MADD: variants seen among roughly 807,000 people sequenced by gnomAD.
MADD encodes MAP kinase-activating death domain protein.
A neutral mutation model predicts 176.7 loss-of-function variants in MADD; 109 were observed. The ratio of observed to expected loss-of-function variants is 0.62; its 90% CI spans 0.53 to 0.72. The LOEUF is 0.72. Ranked by LOEUF, MADD falls within the 30% of genes least tolerant of loss-of-function variation. MADD has a pLI of 0.00. For synonymous variants in MADD, 771 were observed against 771.3 expected (o/e 1.00, Z 0.01); for missense variants, 1,914 against 2,045.5 (o/e 0.94, Z 1.24).
intron 23 of MADD, 22 bp from the exon 27 acceptor site, chr11:47,309,259 A>C: frequency 6.2e-7 from 1 of 1,605,746 alleles, no homozygotes; most frequent in Non-Finnish European, 8.5e-7. Context: ...TAGGCCCCCT[A>C]AGAAACCTTT....
chr11:47,276,038 G>A, exon 4 of MADD: 1 of 1,614,204 alleles, frequency 6.2e-7, no homozygotes, highest in Non-Finnish European at 8.5e-7. Flanking sequence ...GCAGAAGCGA[G>A]TAGACATCGA....
intron 27 of MADD, among the ~76,000 whole-genome samples, chr11:47,322,400 G>T (rs1392752001): frequency 6.6e-6 from 1 of 152,112 alleles, no homozygotes; most frequent in Non-Finnish European, 1.5e-5. Flanking sequence ...GAAGTCAGGA[G>T]ATCAAGACTA....
chr11:47,275,912 C>G, exon 4 of MADD: 2 of 1,607,716 alleles, frequency 1.2e-6, no homozygotes, highest in Non-Finnish European at 1.7e-6. Context: ...CACCATGTGG[C>G]GGATCTTTAC....
intron 31 of MADD, chr11:47,327,678 C>T (rs960062308): frequency 8.1e-6 from 8 of 985,422 alleles, no homozygotes; most frequent in Non-Finnish European, 8.4e-6. Context: ...TCTTCCAACT[C>T]GGGAGAATGG....
chr11:47,315,534 G>C (rs908664960), intron 27 of MADD, among the ~76,000 whole-genome samples: 1 of 152,104 alleles, frequency 6.6e-6, no homozygotes, highest in Non-Finnish European at 1.5e-5. Context: ...GAGTGTAGTG[G>C]CTTGATCTCG....
rs11039171 is a variant in MADD, at chr11:47,307,794, G to A, written c.3643-797G>A. Among the ~76,000 whole-genome samples the A allele has an allele frequency of 8.4e-3, 1,273 of 152,098 alleles. 142 individuals carry two copies. In the East Asian group the frequency reaches 0.2, roughly 24 times the overall value. ...AGCGATTCTCCTGCCTTAGCCTCCCGAGTAGCTGGGACTATAGGTGCATGC... is the reference window on the plus strand; with the variant it reads ...AGCGATTCTCCTGCCTTAGCCTCCCAAGTAGCTGGGACTATAGGTGCATGC... On this transcript the variant is annotated intron_variant, in intron 22 of 32. Transcript: ENST00000402192.
At chr11:47,303,994 G>T (rs1048568032) in intron 22 of MADD, among the ~76,000 whole-genome samples, 1 of 152,126 alleles carries the variant, frequency 6.6e-6, no homozygotes, top group African/African-American at 2.4e-5. Context: ...GACTTGGGAA[G>T]TTTTCAGCTA....
chr11:47,323,591 C>T lies in MADD; in HGVS notation c.4198-80C>T. 2.0e-6 allele frequency: 3 copies of T among 1,489,712 alleles called. 1 individual carries two copies. The South Asian group carries it at 3.6e-5, about 18-fold the overall frequency. 92.3% of individuals were successfully genotyped at this position (1,489,712 alleles called of 1,614,324 possible). A position where few individuals can be genotyped will look rare whatever the true frequency, so the allele number is the denominator to read the frequency against. ...ACCTGACCATGGGGATGCCCCAGGA[C>T]CACCTTTCCCTGTAGGAAACAGTCT... On this transcript the variant is annotated intron_variant, in intron 27 of 32. Coordinates refer to ENST00000402192, the Ensembl canonical transcript of MADD.
At chr11:47,296,626 G>C (rs1215851560) in intron 22 of MADD, among the ~76,000 whole-genome samples, 1 of 152,130 alleles carries the variant, frequency 6.6e-6, no homozygotes, top group East Asian at 1.9e-4. Flanking sequence ...CTATATTGCT[G>C]TGAGTAGTCT....
At position 47,294,694 on chromosome 11, in the gene MADD, T is replaced by G. The variant is rs191219868; in HGVS notation, c.3402+711T>G. 9.9e-5 allele frequency among the ~76,000 whole-genome samples: 11 copies of G among 110,934 alleles called. No individual in the cohort carries two copies. The East Asian group carries it at 2.8e-3, about 28-fold the overall frequency. 72.8% of individuals were successfully genotyped at this position (110,934 alleles called of 152,430 possible). On this transcript the variant is annotated intron_variant, in intron 20 of 32. Coordinates refer to ENST00000402192, the Ensembl canonical transcript of MADD. ...CAAAAAAAAAAAAAAAAAAAAAAAA[T>G]GAACAACCTCAAAACAATATAAATA...
At chr11:47,282,641 G>C (rs982369264) in intron 9 of MADD, 25 bp downstream of exon 9, 5 of 1,609,786 alleles carry the variant, frequency 3.1e-6, no homozygotes, top group Non-Finnish European at 4.2e-6. Flanking sequence ...CCTCTGCTCC[G>C]CTCTGCCTTG....
intron 25 of MADD, among the ~76,000 whole-genome samples, chr11:47,310,889 A>G (rs1046350150): frequency 2.2e-5 from 3 of 137,156 alleles, no homozygotes; most frequent in Non-Finnish European, 4.7e-5. Flanking sequence ...CCTGGGCAAC[A>G]AGAGCGAAAA....
At chr11:47,290,925 T>G in intron 19 of MADD, 109 bp downstream of exon 20, 1 of 895,982 alleles carries the variant, frequency 1.1e-6, no homozygotes, top group African/African-American at 1.7e-5. Flanking sequence ...CTTTGCTTCT[T>G]AGAGAGGGAA....
chr11:47,315,921 T>A (rs2141324212), intron 27 of MADD, among the ~76,000 whole-genome samples: 1 of 149,104 alleles, frequency 6.7e-6, no homozygotes, highest in South Asian at 2.2e-4. Context: ...AGCCTCCACC[T>A]CCCAGGTTCA....
intron 31 of MADD, chr11:47,327,923 G>C (rs2142545287): frequency 1.0e-6 from 1 of 985,350 alleles, no homozygotes; most frequent in East Asian, 1.1e-4. Context: ...GGCTGGAGCG[G>C]GGGGACTCTC....
intron 11 of MADD, 31 bp from the exon 12 acceptor site, chr11:47,284,344 G>T: frequency 3.1e-6 from 5 of 1,613,966 alleles, no homozygotes; most frequent in Non-Finnish European, 4.2e-6. Context: ...GGATGGAGTG[G>T]TCTGTACCTG....
At chr11:47,271,747 C>G (rs757536144) in intron 1 of MADD, among the ~76,000 whole-genome samples, 6 of 151,572 alleles carry the variant, frequency 4.0e-5, no homozygotes, top group Middle Eastern at 3.4e-3. Flanking sequence ...TTTTCGAATC[C>G]CATGACAGGT....
intron 16 of MADD, 22 bp downstream of exon 17, chr11:47,289,515 T>A: frequency 6.2e-7 from 1 of 1,601,838 alleles, no homozygotes; most frequent in Middle Eastern, 1.7e-4. Flanking sequence ...TAGAGCTGTT[T>A]TAAAAGTTCT....
chr11:47,311,052 A>T (rs1594612561), intron 25 of MADD, among the ~76,000 whole-genome samples: 1 of 152,200 alleles, frequency 6.6e-6, no homozygotes, highest in African/African-American at 2.4e-5. Context: ...ACTTGGTTTT[A>T]TAGCTGTGGA....
Sources: allele counts gnomAD v4.1 joint callset (sites outside exome capture counted in the v4.1 genomes callset), GRCh38; gene constraint gnomAD v4.1.1; transcripts MANE v1.5; gene names NCBI Gene and HGNC (gene_info 2026-07-23, HGNC 2026-07-21).